Variants in SLC35D1 observed in about 807,000 individuals in gnomAD.
SLC35D1 encodes nucleotide sugar transporter SLC35D1.
Under a neutral mutation model 46.7 loss-of-function variants are expected in SLC35D1, and 31 were observed. The ratio of observed to expected loss-of-function variants is 0.66; its 90% CI spans 0.50 to 0.90. SLC35D1 has a LOEUF of 0.90. Among genes scored for constraint, SLC35D1 ranks in the 40% least tolerant of loss-of-function variants. The pLI, the probability that SLC35D1 is intolerant of heterozygous loss-of-function variation, is 0.00. For missense variants in SLC35D1, 397 were observed against 426.2 expected, an observed-to-expected ratio of 0.93 and a Z score of 0.60; for synonymous variants, 195 against 164.6, an observed-to-expected ratio of 1.18 and a Z score of -1.41.
At chr1:66,973,087 G>A in the SLC35D1 span, 3 of 648,356 alleles carry the variant, frequency 4.6e-6, no homozygotes, top group Admixed American at 2.9e-5. Context: ...AGTGTTAAAG[G>A]TTTCATAATT....
At chr1:66,981,512 C>T in the SLC35D1 span, among the ~76,000 whole-genome samples, 1 of 152,180 alleles carries the variant, frequency 6.6e-6, no homozygotes, top group African/African-American at 2.4e-5. Flanking sequence ...ACTCTGAGCA[C>T]CTGCCTACAA....
chr1:66,974,763 T>C, the SLC35D1 span, among the ~76,000 whole-genome samples: 1 of 152,286 alleles, frequency 6.6e-6, no homozygotes, highest in East Asian at 1.9e-4. Flanking sequence ...AGGACAGTAA[T>C]TCTTTAAAAG....
the SLC35D1 span, among the ~76,000 whole-genome samples, chr1:66,988,907 G>A: frequency 6.6e-6 from 1 of 152,188 alleles, no homozygotes; most frequent in Non-Finnish European, 1.5e-5. Flanking sequence ...AGTGTTAATG[G>A]TAGAAAAGTA....
intron 5 of SLC35D1, 148 bp from the exon 6 acceptor site, chr1:67,049,998 C>T: frequency 1.4e-6 from 1 of 697,990 alleles, no homozygotes; most frequent in Non-Finnish European, 2.5e-6. Flanking sequence ...AAAAGAACCC[C>T]TTTGATAAAG....
intron 8 of SLC35D1, among the ~76,000 whole-genome samples, chr1:67,029,779 T>TA (rs1171055741): frequency 6.6e-6 from 1 of 152,308 alleles, no homozygotes; most frequent in East Asian, 1.9e-4. Flanking sequence ...AATTTGTTTT[T>TA]AAAAAAAGTT....
intron 8 of SLC35D1, 117 bp from the exon 9 acceptor site, chr1:67,021,719 AC>A: frequency 2.2e-6 from 1 of 457,892 alleles, no homozygotes; most frequent in Non-Finnish European, 3.8e-6. Flanking sequence ...ACAGACACAG[AC>A]ACAGACACAC....
At chr1:67,035,862 T>C (rs1433007836) in intron 8 of SLC35D1, among the ~76,000 whole-genome samples, 2 of 151,078 alleles carry the variant, frequency 1.3e-5, no homozygotes, top group African/African-American at 2.4e-5. Context: ...CTCTCAGTAC[T>C]GTTTTTGCTG....
chr1:66,985,181 A>C, the SLC35D1 span: 1 of 985,592 alleles, frequency 1.0e-6, no homozygotes, highest in Non-Finnish European at 1.2e-6. Flanking sequence ...ATTCAGATTT[A>C]CTAATTTTGG....
the SLC35D1 span, chr1:66,987,766 T>TAC: frequency 2.0e-5 from 3 of 152,202 alleles, no homozygotes; most frequent in Non-Finnish European, 4.4e-5. Flanking sequence ...AAGGCAAATA[T>TAC]ATATATATAC....
chr1:66,977,203 G>A, the SLC35D1 span, among the ~76,000 whole-genome samples: 743 of 151,728 alleles, frequency 4.9e-3, 1 homozygote, highest in Non-Finnish European at 6.8e-3. Flanking sequence ...TCCGTCTCCC[G>A]GCTTCAAGCG....
chr1:67,044,649 T>C (rs1645231964), intron 7 of SLC35D1, among the ~76,000 whole-genome samples: 1 of 152,244 alleles, frequency 6.6e-6, no homozygotes, highest in Non-Finnish European at 1.5e-5. Context: ...TGCTTATCCA[T>C]GTTTTCTACT....
chr1:66,995,433 TAAAAAAAAAAAAAAAAAAAAAAAAAAAAA>T (rs541234514), downstream of SLC35D1, among the ~76,000 whole-genome samples: 44 of 35,802 alleles, frequency 1.2e-3, no homozygotes, highest in African/African-American at 4.0e-3. Context: ...CCTGCTACGC[TAAAAAAAAAAAAAAAAAAAAAAAAAAAAA>T]AAAAAAAAAA....
chr1:67,050,395 G>A, intron 5 of SLC35D1, 38 bp downstream of exon 5: 1 of 1,465,364 alleles, frequency 6.8e-7, no homozygotes, highest in Non-Finnish European at 9.6e-7. Context: ...CCTTTTCAAG[G>A]TGATTTAAAG....
rs141026319 is a variant in SLC35D1 at position 67,019,159 on chromosome 1, T to C, written c.876+1210A>G. 4.4e-3 allele frequency among the ~76,000 whole-genome samples: 676 copies of C among 152,310 alleles called. 5 individuals are homozygous for C. Among genetic ancestry groups the C allele is most frequent in the African/African-American group, 0.016 (646 of 41,584 alleles). ...AATCCCAGGCAAATAGGTTTACTTA[T>C]TAAAATTAAACATAGGCTTTCCGGC... is the stretch of plus-strand genomic sequence containing the variant. On this transcript the variant is annotated intron_variant, in intron 10 of 11. Transcript: ENST00000235345.
At chr1:67,045,404 T>A (rs1397274081) in intron 7 of SLC35D1, among the ~76,000 whole-genome samples, 3 of 152,224 alleles carry the variant, frequency 2.0e-5, no homozygotes, top group Non-Finnish European at 4.4e-5. Flanking sequence ...AGACCCTGTA[T>A]CTTTTTCTTC....
intron 11 of SLC35D1, among the ~76,000 whole-genome samples, chr1:67,005,606 G>A (rs756613647): frequency 2.1e-4 from 32 of 152,130 alleles, no homozygotes; most frequent in Admixed American, 5.2e-4. Flanking sequence ...TACTTGTCAA[G>A]CATTTTACAT....
chr1:66,973,627 CTT>C, the SLC35D1 span, among the ~76,000 whole-genome samples: 1 of 151,868 alleles, frequency 6.6e-6, no homozygotes, highest in Non-Finnish European at 1.5e-5. Flanking sequence ...GGGCTTAATT[CTT>C]ATAACTGAAA....
At chr1:67,021,718 G>GACACACACACACACACACACACAC in intron 8 of SLC35D1, 116 bp from the exon 9 acceptor site, 1 of 421,228 alleles carries the variant, frequency 2.4e-6, no homozygotes, top group African/African-American at 2.3e-5. Context: ...CACAGACACA[G>GACACACACACACACACACACACAC]ACACAGACAC....
intron 8 of SLC35D1, among the ~76,000 whole-genome samples, chr1:67,039,366 A>G (rs1055419919): frequency 2.0e-5 from 3 of 152,212 alleles, no homozygotes; most frequent in African/African-American, 7.2e-5. Context: ...AAAAAAATAT[A>G]GAAAGATGAA....
Sources: allele counts gnomAD v4.1 joint callset (sites outside exome capture counted in the v4.1 genomes callset), GRCh38; gene constraint gnomAD v4.1.1; transcripts MANE v1.5; gene names NCBI Gene and HGNC (gene_info 2026-07-23, HGNC 2026-07-21).